Variants in NHERF1 observed in about 807,000 individuals in gnomAD.
NHERF1 encodes NHERF family PDZ scaffold protein 1, also known as Na(+)/H(+) exchange regulatory cofactor NHE-RF1.
chr17:74,750,340 G>A, the NHERF1 span, among the ~76,000 whole-genome samples: 1 of 152,204 alleles, frequency 6.6e-6, no homozygotes, highest in Non-Finnish European at 1.5e-5. Flanking sequence ...GAGCCTCCCA[G>A]GACCCCTTCA....
the NHERF1 span, among the ~76,000 whole-genome samples, chr17:74,751,830 C>T: frequency 7.4e-4 from 112 of 152,342 alleles, no homozygotes; most frequent in South Asian, 1.2e-3. This position sits in a 1 kb window ranked among gnomAD's most constrained non-coding sequence, Gnocchi z 4.3. Flanking sequence ...CTGTACTAGC[C>T]AGGCTGTGCG....
the NHERF1 span, among the ~76,000 whole-genome samples, chr17:74,755,393 G>A: frequency 6.6e-6 from 1 of 152,110 alleles, no homozygotes; most frequent in Non-Finnish European, 1.5e-5. Context: ...TGCACAGAGA[G>A]CCCCCCTCAA....
chr17:74,761,688 A>G, the NHERF1 span, among the ~76,000 whole-genome samples: 1 of 152,204 alleles, frequency 6.6e-6, no homozygotes, highest in Non-Finnish European at 1.5e-5. This position sits in a 1 kb window ranked among gnomAD's most constrained non-coding sequence, Gnocchi z 4.3. Context: ...TCAACACAGC[A>G]TGTGATTCAC....
At chr17:74,755,999 G>A in the NHERF1 span, among the ~76,000 whole-genome samples, 1 of 150,240 alleles carries the variant, frequency 6.7e-6, no homozygotes, top group African/African-American at 2.4e-5. Context: ...TGTTGCCCAG[G>A]CTGGAGTGCA....
the NHERF1 span, among the ~76,000 whole-genome samples, chr17:74,753,767 C>CAAGG: frequency 1.3e-5 from 2 of 151,884 alleles, no homozygotes; most frequent in Admixed American, 6.6e-5. Context: ...GCTTCCTTCT[C>CAAGG]AAGGAACTCC....
chr17:74,760,152 G>A, the NHERF1 span, among the ~76,000 whole-genome samples: 1 of 152,104 alleles, frequency 6.6e-6, no homozygotes. This position sits in a 1 kb window ranked among gnomAD's most constrained non-coding sequence, Gnocchi z 4.5. Flanking sequence ...GCTTTGTGGA[G>A]GGATTAGCTC....
the NHERF1 span, among the ~76,000 whole-genome samples, chr17:74,755,699 T>G: frequency 4.6e-5 from 7 of 152,016 alleles, no homozygotes; most frequent in African/African-American, 1.7e-4. Flanking sequence ...GAGGAGTGTG[T>G]TTGGGGCAGT....
chr17:74,763,298 C>A, the NHERF1 span: 6 of 1,490,750 alleles, frequency 4.0e-6, no homozygotes, highest in South Asian at 1.2e-5. Context: ...CTGCCCCCAA[C>A]CCCCCTCCAC....
At chr17:74,763,573 G>A in the NHERF1 span, 38 of 1,542,624 alleles carry the variant, frequency 2.5e-5, no homozygotes, top group African/African-American at 4.7e-4. Context: ...CCCAAGTCAG[G>A]GATGTGAGCC....
At chr17:74,760,704 T>A in the NHERF1 span, among the ~76,000 whole-genome samples, 1 of 152,322 alleles carries the variant, frequency 6.6e-6, no homozygotes, top group African/African-American at 2.4e-5. The surrounding 1 kb of genome is among the most constrained non-coding windows in gnomAD (Gnocchi z 4.5). Context: ...TGACTATTCA[T>A]TAGTATTCAC....
the NHERF1 span, among the ~76,000 whole-genome samples, chr17:74,753,806 T>C: frequency 2.4e-4 from 37 of 152,036 alleles, no homozygotes; most frequent in Admixed American, 2.0e-3. Context: ...CTTCTCCCCT[T>C]TCCCAGATGT....
chr17:74,751,130 G>T, the NHERF1 span, among the ~76,000 whole-genome samples: 1 of 152,088 alleles, frequency 6.6e-6, no homozygotes, highest in African/African-American at 2.4e-5. This position sits in a 1 kb window ranked among gnomAD's most constrained non-coding sequence, Gnocchi z 4.3. Context: ...TAGAAATGAC[G>T]TGAAGCACTT....
the NHERF1 span, among the ~76,000 whole-genome samples, chr17:74,755,676 C>T: frequency 6.6e-6 from 1 of 152,160 alleles, no homozygotes; most frequent in Admixed American, 6.5e-5. Context: ...ACAGCAATGG[C>T]CAGGGGTATT....
chr17:74,763,564 C>T, the NHERF1 span: 2 of 1,549,838 alleles, frequency 1.3e-6, no homozygotes, highest in Middle Eastern at 1.7e-4. Context: ...CTGGAGCCCC[C>T]CAAGTCAGGG....
At chr17:74,749,196 C>T in the NHERF1 span, 5 of 1,524,678 alleles carry the variant, frequency 3.3e-6, no homozygotes, top group South Asian at 2.4e-5. The surrounding 1 kb of genome is among the most constrained non-coding windows in gnomAD (Gnocchi z 5.6). Context: ...CAGGAAGCGC[C>T]GGGGCAGGCC....
chr17:74,766,982 G>A, the NHERF1 span: 15 of 1,613,662 alleles, frequency 9.3e-6, no homozygotes, highest in East Asian at 3.3e-4. Context: ...AGAAGGTAAG[G>A]GCGGGTCCCC....
At chr17:74,765,527 C>T in the NHERF1 span, among the ~76,000 whole-genome samples, 5 of 147,792 alleles carry the variant, frequency 3.4e-5, no homozygotes, top group Non-Finnish European at 7.4e-5. Context: ...CAAAGTACTG[C>T]GATTACAAGT....
chr17:74,768,568 C>T, the NHERF1 span: 2 of 1,614,148 alleles, frequency 1.2e-6, no homozygotes, highest in African/African-American at 2.7e-5. Flanking sequence ...CTGGCCATGG[C>T]CAAAGAGAGG....
the NHERF1 span, among the ~76,000 whole-genome samples, chr17:74,755,482 T>C: frequency 2.0e-5 from 3 of 152,150 alleles, no homozygotes; most frequent in African/African-American, 7.2e-5. Flanking sequence ...TAGGCAATGT[T>C]TAGGTCCCTA....
Sources: gnomAD v4.1 joint callset for allele counts (sites outside exome capture counted in the v4.1 genomes callset) on GRCh38, gnomAD v4.1.1 for gene constraint, Gnocchi (gnomAD v3.1) non-coding constraint, MANE v1.5 for transcripts, NCBI Gene and HGNC (gene_info 2026-07-23, HGNC 2026-07-21) for gene names.